The following GRM5 variants were observed in gnomAD, a reference collection of about 807,000 sequenced individuals.
The protein encoded by GRM5 is metabotropic glutamate receptor 5.
In GRM5, 19 loss-of-function variants were observed where a neutral mutation model predicts 83.1. The observed-to-expected ratio is 0.23, with a 90% CI of 0.16 to 0.34. The LOEUF (loss-of-function observed/expected upper bound fraction) is 0.34, where lower values mean the gene tolerates loss of function less well. Ranked by LOEUF, GRM5 falls within the 10% of genes least tolerant of loss-of-function variation. The pLI is 1.00. For synonymous variants in GRM5, 675 were observed against 633.6 expected (o/e 1.07, Z -0.98); for missense variants, 1,160 against 1,588.3 (o/e 0.73, Z 4.58).
chr11:89,033,086 T>C (rs544510736), intron 2 of GRM5, among the ~76,000 whole-genome samples: 2 of 152,146 alleles, frequency 1.3e-5, no homozygotes, highest in African/African-American at 4.8e-5. Context: ...TAGTGAGTGT[T>C]CATTTAATAA....
chr11:88,547,780 C>T (rs1435964052), intron 8 of GRM5, among the ~76,000 whole-genome samples: 1 of 152,150 alleles, frequency 6.6e-6, no homozygotes, highest in Admixed American at 6.6e-5. Context: ...ATTATTTCAC[C>T]TGTCTGAGTC....
In GRM5 at chr11:89,030,926, T is replaced by C. The variant is rs568596254; in HGVS notation, c.661+16286A>G. Among the ~76,000 whole-genome samples, 42 of 152,044 alleles carry C rather than the reference T, an allele frequency of 2.8e-4. No individual in the cohort carries two copies. The East Asian group carries it at 3.3e-3, about 12-fold the overall frequency. Reference sequence around the variant, plus strand: ...TATAAATGTGTCTAGGAGGGGAAAATTTATCCAATTAGATGATTTAAAGAA... The same window carrying C: ...TATAAATGTGTCTAGGAGGGGAAAACTTATCCAATTAGATGATTTAAAGAA... On this transcript the variant is annotated intron_variant, in intron 2 of 9. Coordinates refer to ENST00000305447, the MANE Select transcript of GRM5 (RefSeq NM_001143831.3).
At chr11:88,652,388 C>T (rs1431615395) in intron 4 of GRM5, among the ~76,000 whole-genome samples, 1 of 152,080 alleles carries the variant, frequency 6.6e-6, no homozygotes, top group Middle Eastern at 3.4e-3. Context: ...CTGGCTCTAC[C>T]TGGTTATTAG....
chr11:89,035,169 T>A (rs1208876348), intron 2 of GRM5, among the ~76,000 whole-genome samples: 1 of 151,798 alleles, frequency 6.6e-6, no homozygotes, highest in East Asian at 1.9e-4. Flanking sequence ...TTCATGTATT[T>A]CCTGTTTTAT....
At chr11:88,726,871 C>A (rs963466093) in intron 3 of GRM5, among the ~76,000 whole-genome samples, 59 of 152,156 alleles carry the variant, frequency 3.9e-4, no homozygotes, top group African/African-American at 1.3e-3. Flanking sequence ...GCCTGCCTTA[C>A]AAAAGCTCCT....
intron 1 of GRM5, among the ~76,000 whole-genome samples, chr11:89,051,079 T>G (rs1045880626): frequency 2.0e-5 from 3 of 152,102 alleles, no homozygotes; most frequent in African/African-American, 4.8e-5. Context: ...CCTGCACATG[T>G]GCCCCTGAAT....
At chr11:88,877,119 T>G (rs1276673961) in intron 2 of GRM5, among the ~76,000 whole-genome samples, 1 of 151,770 alleles carries the variant, frequency 6.6e-6, no homozygotes, top group Non-Finnish European at 1.5e-5. Flanking sequence ...AAAATTACAG[T>G]TAGATAGGAG....
intron 8 of GRM5, among the ~76,000 whole-genome samples, chr11:88,534,215 A>G (rs1942081722): frequency 1.3e-5 from 2 of 152,188 alleles, no homozygotes; most frequent in African/African-American, 4.8e-5. Context: ...TGGAGCTGTA[A>G]GAAGAGGGCT....
At chr11:88,998,343 G>C (rs1940261748) in intron 2 of GRM5, among the ~76,000 whole-genome samples, 1 of 152,052 alleles carries the variant, frequency 6.6e-6, no homozygotes, top group Non-Finnish European at 1.5e-5. Flanking sequence ...AATGAACGCA[G>C]AGATACCATT....
At chr11:88,849,160 C>A (rs1298394541) in intron 3 of GRM5, among the ~76,000 whole-genome samples, 1 of 151,820 alleles carries the variant, frequency 6.6e-6, no homozygotes, top group African/African-American at 2.4e-5. Flanking sequence ...TATATATACA[C>A]ACACACATAT....
intron 2 of GRM5, among the ~76,000 whole-genome samples, chr11:88,916,868 C>T (rs1329988876): frequency 6.6e-6 from 1 of 152,194 alleles, no homozygotes; most frequent in Non-Finnish European, 1.5e-5. Flanking sequence ...TAGGACATAG[C>T]TCCCAGATGA....
intron 5 of GRM5, among the ~76,000 whole-genome samples, chr11:88,599,376 T>C (rs1343643927): frequency 6.6e-6 from 1 of 152,228 alleles, no homozygotes; most frequent in African/African-American, 2.4e-5. Flanking sequence ...TTTAGATTTC[T>C]AGTCATTGTT....
Position 88,718,812 on chromosome 11 carries a change from C to T in GRM5, c.912-65409G>A, listed in dbSNP as rs139062482. 4.9e-3 allele frequency among the ~76,000 whole-genome samples: 746 copies of T among 152,042 alleles called. 6 individuals are homozygous for T. Among genetic ancestry groups the T allele is most frequent in the African/African-American group, 0.017 (721 of 41,530 alleles). On this transcript the variant is annotated intron_variant, in intron 3 of 9. Transcript: ENST00000305447. The stretch of plus-strand genomic sequence containing the variant: ...TCACCTTTATAGACTAAAGGCTTAA[C>T]TCATAGTATATATTGGCTAACAACT...
intron 2 of GRM5, among the ~76,000 whole-genome samples, chr11:89,009,851 A>G (rs1401642750): frequency 3.0e-5 from 4 of 131,530 alleles, no homozygotes; most frequent in African/African-American, 1.1e-4. Context: ...CAGTGAGCCG[A>G]GATCGCGCCA....
intron 2 of GRM5, among the ~76,000 whole-genome samples, chr11:88,903,973 A>T (rs1396122670): frequency 1.3e-5 from 2 of 152,196 alleles, no homozygotes; most frequent in African/African-American, 2.4e-5. Flanking sequence ...AGATGGAAGG[A>T]ATTTCAGGGT....
intron 2 of GRM5, among the ~76,000 whole-genome samples, chr11:89,044,694 T>C (rs1941607577): frequency 6.6e-6 from 1 of 152,124 alleles, no homozygotes; most frequent in Admixed American, 6.6e-5. Flanking sequence ...AGAATAATTA[T>C]AAGAATATGA....
chr11:88,769,384 CTG>C (rs201696571), intron 3 of GRM5, among the ~76,000 whole-genome samples: 4,346 of 86,776 alleles, frequency 0.05, 214 homozygotes, highest in African/African-American at 0.15. Flanking sequence ...GTTTTGCCAA[CTG>C]TTAAGTGTCT....
intron 3 of GRM5, among the ~76,000 whole-genome samples, chr11:88,729,478 A>C (rs1463214617): frequency 6.6e-6 from 1 of 152,212 alleles, no homozygotes; most frequent in Non-Finnish European, 1.5e-5. Context: ...ATTTAATGCT[A>C]TCCCCATCAG....
intron 4 of GRM5, among the ~76,000 whole-genome samples, chr11:88,649,791 T>A (rs1452068809): frequency 2.6e-5 from 4 of 151,742 alleles, no homozygotes; most frequent in Non-Finnish European, 4.4e-5. Flanking sequence ...GCAGTATATC[T>A]GCGTATACAA....
Sources: gnomAD v4.1 joint callset for allele counts (sites outside exome capture counted in the v4.1 genomes callset) on GRCh38, gnomAD v4.1.1 for gene constraint, MANE v1.5 for transcripts, NCBI Gene and HGNC (gene_info 2026-07-23, HGNC 2026-07-21) for gene names.